The following CLCN7 variants were observed in gnomAD, a reference collection of about 807,000 sequenced individuals.
CLCN7 encodes H(+)/Cl(-) exchange transporter 7.
A neutral mutation model predicts 102.1 loss-of-function variants in CLCN7; 60 were observed. The observed-to-expected ratio is 0.59, with a 90% CI of 0.48 to 0.73. The LOEUF (loss-of-function observed/expected upper bound fraction) is 0.73. Ranked by LOEUF, CLCN7 falls within the 30% of genes least tolerant of loss-of-function variation. The pLI is 0.00. For synonymous variants in CLCN7, 560 were observed against 490.5 expected (o/e 1.14, Z -1.87); for missense variants, 962 against 1,125.7 (o/e 0.85, Z 2.08).
chr16:1,455,254 C>T lies in CLCN7; in HGVS notation c.982-4G>A, dbSNP rs553863206. The T allele has an allele frequency of 8.8e-6, 14 of 1,582,124 alleles. No individual in the cohort carries two copies. Among genetic ancestry groups the T allele is most frequent in the Admixed American group, 1.7e-5 (1 of 59,956 alleles). On this transcript the variant is annotated splice_polypyrimidine_tract_variant and splice_region_variant and intron_variant, in intron 11 of 24. Coordinates refer to ENST00000382745, the MANE Select transcript of CLCN7 (RefSeq NM_001287.6). ...TGGAGATCATGGAAGCAAAGAACTG[C>T]GGCAGAGGGCAGGAAACCAGCGCCC...
Position 1,446,202 on chromosome 16 carries a change from G to C in CLCN7, c.*429C>G. 1.6e-6 allele frequency: 1 copy of C among 625,462 alleles called. No homozygotes were observed. The highest frequency in any genetic ancestry group is 2.7e-5 in the Admixed American group (1 of 37,006). The allele number at this position is 625,462 out of a possible 1,614,324, so 38.7% of individuals were successfully genotyped here. A position where few individuals can be genotyped will look rare whatever the true frequency, so the allele number is the denominator to read the frequency against. On this transcript the variant is annotated 3_prime_UTR_variant, in exon 25 of 25. Coordinates refer to ENST00000382745, the MANE Select transcript of CLCN7 (RefSeq NM_001287.6). ...CTCCCAAGTCTCGAAGACTCCACTGGTGTGGAGGCAGAGGGGCCCTTCCAG... is the reference window on the plus strand; with the variant it reads ...CTCCCAAGTCTCGAAGACTCCACTGCTGTGGAGGCAGAGGGGCCCTTCCAG...
At chr16:1,447,219 C>G (rs1596210311) in intron 23 of CLCN7, 133 bp from the exon 24 acceptor site, 1 of 1,144,618 alleles carries the variant, frequency 8.7e-7, no homozygotes, top group Non-Finnish European at 1.3e-6. Context: ...GTCTGGCCAG[C>G]CCCCTCAGCC....
rs549960158 is a variant in CLCN7 at position 1,468,351 on chromosome 16, CCTGCCCGGAG to C, written c.142-3023_142-3014del. ...GCCCCCCAGCAGGGCATCAGCTGCCCCTGCCCGGAGTGAAAGGATGGGGCTCCGGCGCCTT... is the reference window on the plus strand; with the variant it reads ...GCCCCCCAGCAGGGCATCAGCTGCCCTGAAAGGATGGGGCTCCGGCGCCTT... On this transcript the variant is annotated intron_variant, in intron 1 of 24. Coordinates refer to ENST00000382745, the MANE Select transcript of CLCN7 (RefSeq NM_001287.6). Among the ~76,000 whole-genome samples the C allele has an allele frequency of 2.8e-4, 42 of 152,350 alleles. 2 individuals carry two copies. In the South Asian group the frequency reaches 8.7e-3, roughly 32 times the overall value.
chr16:1,462,339 G>C (rs2038949071), intron 2 of CLCN7, among the ~76,000 whole-genome samples: 1 of 149,046 alleles, frequency 6.7e-6, no homozygotes, highest in South Asian at 2.1e-4. Context: ...GACCAGCCTG[G>C]GCAACAGAGT....
intron 1 of CLCN7, among the ~76,000 whole-genome samples, chr16:1,465,682 C>A (rs2038995736): frequency 6.6e-6 from 1 of 152,262 alleles, no homozygotes; most frequent in South Asian, 2.1e-4. Flanking sequence ...CGCCACAGCA[C>A]CCTGGGCCAT....
intron 17 of CLCN7, chr16:1,449,639 G>A (rs943941168): frequency 4.5e-5 from 20 of 441,578 alleles, no homozygotes; most frequent in African/African-American, 2.3e-4. Context: ...GTGAAACCCC[G>A]GCACACACGA....
In CLCN7 at chr16:1,460,609, T is replaced by C. The variant is rs574940797; in HGVS notation, c.485-82A>G. On this transcript the variant is annotated intron_variant, in intron 5 of 24. Transcript: ENST00000382745. ...CTCAGCCCTGCCCCACAGACCAGCC[T>C]GGCAGATGCCACCCTGCTGGGTGGA... 3.0e-5 allele frequency: 39 copies of C among 1,318,938 alleles called. 2 individuals are homozygous for C. The highest frequency in any genetic ancestry group is 2.3e-4 in the African/African-American group (16 of 69,618). The allele number at this position is 1,318,938 out of a possible 1,614,324, so 81.7% of individuals were successfully genotyped here. A position where few individuals can be genotyped will look rare whatever the true frequency, so the allele number is the denominator to read the frequency against.
chr16:1,457,056 G>A lies in CLCN7; in HGVS notation c.822+198C>T, dbSNP rs1281813333. 6.6e-6 allele frequency among the ~76,000 whole-genome samples: 1 copy of A among 152,188 alleles called. No individual in the cohort carries two copies. The highest frequency in any genetic ancestry group is 1.5e-5 in the Non-Finnish European group (1 of 68,034). ...ATGCACGTGTGGCAGGGGACCCAAG[G>A]AGGGAAGCAGCGGGCCGTAGGGAGG... On this transcript the variant is annotated intron_variant, in intron 9 of 24. Coordinates refer to ENST00000382745, the MANE Select transcript of CLCN7 (RefSeq NM_001287.6). This position sits in a 1 kb window ranked among gnomAD's most constrained non-coding sequence, Gnocchi z 5.4.
At chr16:1,460,054 C>T (rs960845576) in intron 6 of CLCN7, among the ~76,000 whole-genome samples, 4 of 152,020 alleles carry the variant, frequency 2.6e-5, no homozygotes, top group Non-Finnish European at 5.9e-5. Flanking sequence ...GGTCTCATGT[C>T]GTTGGGGTAG....
At chr16:1,456,227 G>C (rs1326157705) in intron 9 of CLCN7, 21 bp from the exon 10 acceptor site, 1 of 1,543,376 alleles carries the variant, frequency 6.5e-7, no homozygotes, top group African/African-American at 1.4e-5. Flanking sequence ...GACAGACCAG[G>C]GTCGGGGCAG....
At chr16:1,464,425 G>A (rs988304599) in intron 2 of CLCN7, among the ~76,000 whole-genome samples, 2 of 152,222 alleles carry the variant, frequency 1.3e-5, no homozygotes, top group African/African-American at 4.8e-5. Context: ...AGGCGCCCAC[G>A]GCCACGAAAC....
In CLCN7 at chr16:1,452,739, G is replaced by A. The variant is rs375741524; in HGVS notation, c.1353+16C>T. The A allele has an allele frequency of 2.9e-5, 46 of 1,578,358 alleles. No homozygotes were observed. The highest frequency in any genetic ancestry group is 7.1e-5 in the Admixed American group (4 of 56,462). The stretch of plus-strand genomic sequence containing the variant: ...CTGCCCTGCCTGCTGGACCCCGCCC[G>A]GGCCCAGCCTCCCACCTGCAGCGGG... On this transcript the variant is annotated intron_variant, in intron 15 of 24. Transcript: ENST00000382745.
At chr16:1,461,061 G>A in intron 4 of CLCN7, 113 bp from the exon 5 acceptor site, 4 of 1,352,688 alleles carry the variant, frequency 3.0e-6, no homozygotes, top group Non-Finnish European at 2.0e-6. Flanking sequence ...GGCCCAGTGT[G>A]CACGGTGCGC....
chr16:1,457,154 C>T lies in CLCN7; in HGVS notation c.822+100G>A. 8.9e-7 allele frequency: 1 copy of T among 1,128,938 alleles called. No individual in the cohort carries two copies. The highest frequency in any genetic ancestry group is 1.7e-5 in the Admixed American group (1 of 57,788). The allele number at this position is 1,128,938 out of a possible 1,614,324, so 69.9% of individuals were successfully genotyped here. ...AGGCTGTCCTCAGATGGGGCTGGGG[C>T]TCTCGGCCTGGGGGTGCTGAGGGAA... On this transcript the variant is annotated intron_variant, in intron 9 of 24. Coordinates refer to ENST00000382745, the MANE Select transcript of CLCN7 (RefSeq NM_001287.6). This position sits in a 1 kb window ranked among gnomAD's most constrained non-coding sequence, Gnocchi z 5.4.
At chr16:1,450,778 C>T (rs1043864800) in intron 16 of CLCN7, 112 bp from the exon 17 acceptor site, 36 of 946,420 alleles carry the variant, frequency 3.8e-5, no homozygotes, top group Non-Finnish European at 5.0e-5. Flanking sequence ...GCCCAGCAAC[C>T]TGAGCTCCCG....
chr16:1,461,826 T>TACA (rs1230597937), intron 2 of CLCN7, 152 bp from the exon 3 acceptor site: 3 of 733,472 alleles, frequency 4.1e-6, no homozygotes, highest in Non-Finnish European at 7.2e-6. Flanking sequence ...GGCTGACACC[T>TACA]ACAATCCCAG....
chr16:1,454,704 G>C (rs971082776), intron 12 of CLCN7, among the ~76,000 whole-genome samples: 1 of 152,220 alleles, frequency 6.6e-6, no homozygotes, highest in African/African-American at 2.4e-5. Flanking sequence ...CTCAGCACCC[G>C]GGGCGGGGAG....
intron 12 of CLCN7, 144 bp from the exon 13 acceptor site, chr16:1,454,609 A>G (rs2038805074): frequency 2.4e-6 from 2 of 823,118 alleles, no homozygotes; most frequent in African/African-American, 1.7e-5. Flanking sequence ...GGAAGTCCAC[A>G]GGGGAGAAAC....
At chr16:1,451,837 C>T in intron 15 of CLCN7, 121 bp from the exon 16 acceptor site, 1 of 768,530 alleles carries the variant, frequency 1.3e-6, no homozygotes, top group Non-Finnish European at 2.2e-6. Flanking sequence ...AGGCGCGAAA[C>T]CACACGATCC....
Sources: allele counts gnomAD v4.1 joint callset (sites outside exome capture counted in the v4.1 genomes callset), GRCh38; gene constraint gnomAD v4.1.1; non-coding constraint Gnocchi (gnomAD v3.1); transcripts MANE v1.5; gene names NCBI Gene and HGNC (gene_info 2026-07-23, HGNC 2026-07-21).